The following SCP2 variants were observed in gnomAD, a reference collection of about 807,000 sequenced individuals.
SCP2 encodes the protein SCP-2/3-oxoacyl-CoA thiolase.
In SCP2, 48 loss-of-function variants were observed where a neutral mutation model predicts 71.4. The ratio of observed to expected loss-of-function variants is 0.67; its 90% CI spans 0.53 to 0.86. The LOEUF (loss-of-function observed/expected upper bound fraction) is 0.86. Ranked by LOEUF, SCP2 falls within the 40% of genes least tolerant of loss-of-function variation. The probability of loss-of-function intolerance (pLI) is 0.00; values close to 1 mark genes in which losing one functional copy is unlikely to be tolerated. For missense variants in SCP2, 560 were observed against 655.6 expected, an observed-to-expected ratio of 0.85 and a Z score of 1.59; for synonymous variants, 220 against 218.1, an observed-to-expected ratio of 1.01 and a Z score of -0.08.
At chr1:52,990,606 C>T (rs568216323) in intron 11 of SCP2, among the ~76,000 whole-genome samples, 7 of 151,632 alleles carry the variant, frequency 4.6e-5, no homozygotes, top group Non-Finnish European at 8.8e-5. Flanking sequence ...TGGTGGCGGG[C>T]GCCTGCAGTC....
intron 12 of SCP2, among the ~76,000 whole-genome samples, chr1:53,020,787 T>C (rs188415230): frequency 3.3e-5 from 5 of 152,230 alleles, no homozygotes; most frequent in African/African-American, 1.2e-4. Flanking sequence ...AACTCTCAAC[T>C]CTGTGGGCTG....
At chr1:53,008,246 A>T (rs1212881609) in intron 11 of SCP2, among the ~76,000 whole-genome samples, 2 of 152,246 alleles carry the variant, frequency 1.3e-5, no homozygotes, top group Non-Finnish European at 2.9e-5. Flanking sequence ...TCCAATCAAT[A>T]GAAAAAGAGG....
chr1:52,947,928 G>T, intron 2 of SCP2, 81 bp from the exon 3 acceptor site: 1 of 938,282 alleles, frequency 1.1e-6, no homozygotes, highest in South Asian at 1.3e-5. Flanking sequence ...AGTTTACTTT[G>T]AGAAAACTCT....
At chr1:52,944,570 A>G (rs1454485950) in intron 2 of SCP2, among the ~76,000 whole-genome samples, 1 of 152,136 alleles carries the variant, frequency 6.6e-6, no homozygotes, top group Non-Finnish European at 1.5e-5. Context: ...GAAGTGGGAG[A>G]TGCTTTGATC....
At chr1:53,004,195 A>G (rs79637461) in intron 11 of SCP2, among the ~76,000 whole-genome samples, 191 of 152,296 alleles carry the variant, frequency 1.3e-3, no homozygotes, top group Non-Finnish European at 1.5e-3. Context: ...TTATCATGCT[A>G]CTCAGAACAG....
At chr1:52,963,700 A>C (rs1437936457) in intron 6 of SCP2, 1 of 152,182 alleles carries the variant, frequency 6.6e-6, no homozygotes, top group Admixed American at 6.5e-5. Flanking sequence ...TACACACCAA[A>C]TATAACAACT....
At chr1:53,041,941 A>G (rs1663466593) in intron 14 of SCP2, among the ~76,000 whole-genome samples, 1 of 152,148 alleles carries the variant, frequency 6.6e-6, no homozygotes, top group African/African-American at 2.4e-5. Context: ...AAGCTCCTGG[A>G]ATAGAGTGTA....
intron 13 of SCP2, among the ~76,000 whole-genome samples, chr1:53,033,823 A>C (rs890557392): frequency 6.6e-6 from 1 of 152,218 alleles, no homozygotes; most frequent in African/African-American, 2.4e-5. Context: ...AAAAGAAATT[A>C]GGAGCCTATG....
chr1:53,024,960 A>T (rs1369747482), intron 12 of SCP2, among the ~76,000 whole-genome samples: 1 of 152,098 alleles, frequency 6.6e-6, no homozygotes, highest in Non-Finnish European at 1.5e-5. Context: ...CTCTTCCTTG[A>T]TACCACCACA....
intron 13 of SCP2, among the ~76,000 whole-genome samples, chr1:53,034,554 T>C (rs546862178): frequency 6.6e-6 from 1 of 152,268 alleles, no homozygotes. Context: ...ACCTTGAATA[T>C]ACTAAAACAA....
At chr1:53,024,306 G>A (rs1175335378) in intron 12 of SCP2, among the ~76,000 whole-genome samples, 1 of 152,082 alleles carries the variant, frequency 6.6e-6, no homozygotes, top group African/African-American at 2.4e-5. Context: ...GTTGGAAGCA[G>A]GGGGGAGTGA....
At chr1:52,968,525 A>G (rs1377935579) in intron 6 of SCP2, among the ~76,000 whole-genome samples, 1 of 152,096 alleles carries the variant, frequency 6.6e-6, no homozygotes, top group East Asian at 1.9e-4. Context: ...CATATAATTT[A>G]CTCTTTTAAA....
At chr1:52,991,181 A>G (rs1659463040) in intron 11 of SCP2, among the ~76,000 whole-genome samples, 1 of 152,310 alleles carries the variant, frequency 6.6e-6, no homozygotes, top group South Asian at 2.1e-4. Flanking sequence ...TTTCTTATCT[A>G]TAAAATGGGA....
At chr1:52,947,241 TAAAAAAAAAA>T (rs34249724) in intron 2 of SCP2, among the ~76,000 whole-genome samples, 2 of 54,424 alleles carry the variant, frequency 3.7e-5, no homozygotes, top group Admixed American at 2.6e-4. Context: ...ATGTTGTCCT[TAAAAAAAAAA>T]AAAAAAAAAA....
chr1:52,956,794 G>C (rs532899370), intron 5 of SCP2, among the ~76,000 whole-genome samples: 11 of 151,800 alleles, frequency 7.2e-5, no homozygotes, highest in African/African-American at 2.7e-4. Flanking sequence ...TGGTACATAT[G>C]CTGGTAACTT....
At chr1:52,984,648 C>T (rs906847108) in intron 10 of SCP2, among the ~76,000 whole-genome samples, 2 of 151,814 alleles carry the variant, frequency 1.3e-5, no homozygotes, top group African/African-American at 4.8e-5. Context: ...AGTGATTCTC[C>T]TGCCTCAGCC....
At chr1:52,959,857 A>G (rs564501276) in intron 5 of SCP2, among the ~76,000 whole-genome samples, 2 of 151,794 alleles carry the variant, frequency 1.3e-5, no homozygotes, top group African/African-American at 2.4e-5. Flanking sequence ...GAAAGTTTAC[A>G]ATAAAACGAC....
chr1:52,994,115 T>G, intron 11 of SCP2: 1 of 1,065,650 alleles, frequency 9.4e-7, no homozygotes, highest in Non-Finnish European at 1.1e-6. Context: ...GTAAATAGAC[T>G]AAACTGTTTT....
At chr1:53,006,368 G>A (rs992180338) in intron 11 of SCP2, among the ~76,000 whole-genome samples, 1 of 152,056 alleles carries the variant, frequency 6.6e-6, no homozygotes, top group African/African-American at 2.4e-5. Context: ...AATATTAAGG[G>A]CAGCCACAGA....
Sources: allele counts gnomAD v4.1 joint callset (sites outside exome capture counted in the v4.1 genomes callset), GRCh38; gene constraint gnomAD v4.1.1; transcripts MANE v1.5; gene names NCBI Gene and HGNC (gene_info 2026-07-23, HGNC 2026-07-21).